ZSWIM5: variants seen among roughly 807,000 people sequenced by gnomAD.
The protein encoded by ZSWIM5 is zinc finger SWIM domain-containing protein 5.
ZSWIM5 carries 55 observed loss-of-function variants against 119.6 expected under a neutral mutation model. The observed-to-expected ratio is 0.46, with a 90% CI of 0.37 to 0.58. ZSWIM5 has a LOEUF of 0.58. Ranked by LOEUF, ZSWIM5 falls within the 20% of genes least tolerant of loss-of-function variation. The pLI, the probability that ZSWIM5 is intolerant of heterozygous loss-of-function variation, is 0.00. For synonymous variants in ZSWIM5, 537 were observed against 606.9 expected, an observed-to-expected ratio of 0.88 and a Z score of 1.69; for missense variants, 1,193 against 1,512.8, an observed-to-expected ratio of 0.79 and a Z score of 3.51.
intron 11 of ZSWIM5, among the ~76,000 whole-genome samples, chr1:45,031,493 T>G (rs1644953120): frequency 6.6e-6 from 1 of 151,922 alleles, no homozygotes; most frequent in Non-Finnish European, 1.5e-5. Flanking sequence ...TGCTCTCATT[T>G]TTATTATTTC....
chr1:45,145,804 A>AT (rs1371711083), intron 1 of ZSWIM5, among the ~76,000 whole-genome samples: 2 of 152,158 alleles, frequency 1.3e-5, no homozygotes, highest in Non-Finnish European at 2.9e-5. Flanking sequence ...TTATTGTGTG[A>AT]TATTTTTAAA....
At chr1:45,166,499 T>G (rs1645904590) in intron 1 of ZSWIM5, among the ~76,000 whole-genome samples, 1 of 152,122 alleles carries the variant, frequency 6.6e-6, no homozygotes, top group Admixed American at 6.6e-5. Flanking sequence ...AAATAAAGGG[T>G]ACTCAATTAG....
intron 1 of ZSWIM5, among the ~76,000 whole-genome samples, chr1:45,132,371 G>C (rs1296625182): frequency 2.0e-5 from 3 of 152,090 alleles, no homozygotes; most frequent in Non-Finnish European, 4.4e-5. Flanking sequence ...AGTTCATACA[G>C]TCTATGATTC....
At chr1:45,154,268 CA>C (rs527618632) in intron 1 of ZSWIM5, among the ~76,000 whole-genome samples, 48 of 152,054 alleles carry the variant, frequency 3.2e-4, no homozygotes, top group African/African-American at 1.0e-3. Context: ...CATATGGAAC[CA>C]AAAAAGAGCC....
chr1:45,150,141 G>T (rs72684475), intron 1 of ZSWIM5, among the ~76,000 whole-genome samples: 42,511 of 140,142 alleles, frequency 0.3, 7,957 homozygotes, highest in Middle Eastern at 0.56. Context: ...CTGCATTCCA[G>T]CCTGGGTAAC....
intron 1 of ZSWIM5, among the ~76,000 whole-genome samples, chr1:45,128,695 A>G (rs1645636315): frequency 6.6e-6 from 1 of 152,218 alleles, no homozygotes; most frequent in Non-Finnish European, 1.5e-5. Context: ...GAGTTTGATA[A>G]ATGCATAATG....
intron 1 of ZSWIM5, among the ~76,000 whole-genome samples, chr1:45,187,543 A>T (rs1272486784): frequency 6.6e-6 from 1 of 152,180 alleles, no homozygotes; most frequent in Non-Finnish European, 1.5e-5. Context: ...ATGGTTTCTT[A>T]GCTATACTAT....
chr1:45,030,066 T>G (rs1053762686), intron 11 of ZSWIM5, among the ~76,000 whole-genome samples: 2 of 152,140 alleles, frequency 1.3e-5, no homozygotes, highest in Non-Finnish European at 2.9e-5. Context: ...TGCTTTAGCC[T>G]CCTGAGTAGC....
intron 1 of ZSWIM5, among the ~76,000 whole-genome samples, chr1:45,095,963 A>C (rs1400617586): frequency 2.6e-5 from 4 of 152,232 alleles, no homozygotes; most frequent in Non-Finnish European, 5.9e-5. Context: ...TAACAGAAAC[A>C]ACCACCACAA....
chr1:45,163,371 A>G (rs1371166954), intron 1 of ZSWIM5, among the ~76,000 whole-genome samples: 1 of 152,212 alleles, frequency 6.6e-6, no homozygotes, highest in Admixed American at 6.5e-5. Flanking sequence ...GATGGGCAGA[A>G]ACCAGGGCAG....
intron 2 of ZSWIM5, among the ~76,000 whole-genome samples, chr1:45,063,568 C>T (rs1645165268): frequency 6.6e-6 from 1 of 152,170 alleles, no homozygotes; most frequent in Non-Finnish European, 1.5e-5. Flanking sequence ...AAAGACTGTT[C>T]CCAGAAGTCA....
intron 1 of ZSWIM5, among the ~76,000 whole-genome samples, chr1:45,120,282 CGCAGTGAGCCGCCACCACACTCCA>C (rs1645583474): frequency 6.6e-6 from 1 of 152,060 alleles, no homozygotes; most frequent in Non-Finnish European, 1.5e-5. Context: ...AGGGGGAGGT[CGCAGTGAGCCGCCACCACACTCCA>C]GCCTGGGTGA....
At chr1:45,114,839 T>C (rs1259685670) in intron 1 of ZSWIM5, among the ~76,000 whole-genome samples, 2 of 152,210 alleles carry the variant, frequency 1.3e-5, no homozygotes, top group Non-Finnish European at 2.9e-5. Context: ...TAGGGAGTGG[T>C]GATGACTCTT....
intron 6 of ZSWIM5, 149 bp from the exon 7 acceptor site, chr1:45,040,687 G>T: frequency 1.5e-6 from 1 of 645,414 alleles, no homozygotes; most frequent in Non-Finnish European, 2.4e-6. Context: ...TATCTTTAAG[G>T]ATATAAAAAG....
chr1:45,160,452 C>A (rs535801321), intron 1 of ZSWIM5, among the ~76,000 whole-genome samples: 111 of 152,234 alleles, frequency 7.3e-4, no homozygotes, highest in African/African-American at 2.5e-3. Flanking sequence ...CTCCTCCCAG[C>A]CTCTGGTATC....
At chr1:45,107,377 A>G (rs1645487499) in intron 1 of ZSWIM5, among the ~76,000 whole-genome samples, 1 of 152,050 alleles carries the variant, frequency 6.6e-6, no homozygotes, top group African/African-American at 2.4e-5. Flanking sequence ...GGTGGCTCAC[A>G]CCTGTAATCC....
At chr1:45,184,497 A>T (rs1646044515) in intron 1 of ZSWIM5, among the ~76,000 whole-genome samples, 1 of 152,154 alleles carries the variant, frequency 6.6e-6, no homozygotes, top group Non-Finnish European at 1.5e-5. Flanking sequence ...TATCTAGGAA[A>T]CCCCATTGTC....
At chr1:45,081,448 T>C (rs1570071682) in intron 2 of ZSWIM5, among the ~76,000 whole-genome samples, 1 of 152,216 alleles carries the variant, frequency 6.6e-6, no homozygotes, top group Non-Finnish European at 1.5e-5. Context: ...GTGCCTGCAA[T>C]TGCAGGCGCG....
chr1:45,193,318 A>G (rs1252182431), intron 1 of ZSWIM5, among the ~76,000 whole-genome samples: 1 of 152,220 alleles, frequency 6.6e-6, no homozygotes, highest in African/African-American at 2.4e-5. Flanking sequence ...AAACCACTAC[A>G]TCATATCATG....
Sources: allele counts gnomAD v4.1 joint callset (sites outside exome capture counted in the v4.1 genomes callset), GRCh38; gene constraint gnomAD v4.1.1; transcripts MANE v1.5; gene names NCBI Gene and HGNC (gene_info 2026-07-23, HGNC 2026-07-21).